Variants in XRN2 observed in about 807,000 individuals in gnomAD.
XRN2 encodes the protein DHM1-like protein.
Under a neutral mutation model 138.5 loss-of-function variants are expected in XRN2, and 44 were observed. That is an observed-to-expected ratio of 0.32 (90% CI 0.25 to 0.41). The LOEUF (loss-of-function observed/expected upper bound fraction) is 0.41. Among genes scored for constraint, XRN2 ranks in the 10% least tolerant of loss-of-function variants. The pLI is 1.00. For missense variants in XRN2, 937 were observed against 1,169.3 expected (o/e 0.80, Z 2.90); for synonymous variants, 354 against 369.4 (o/e 0.96, Z 0.48).
At chr20:21,348,108 G>C in intron 17 of XRN2, 38 bp from the exon 18 acceptor site, 1 of 1,557,184 alleles carries the variant, frequency 6.4e-7, no homozygotes. Flanking sequence ...CATTAACATA[G>C]GTTTTTGATT....
chr20:21,325,279 C>T (rs558305854), intron 1 of XRN2, among the ~76,000 whole-genome samples: 1 of 152,186 alleles, frequency 6.6e-6, no homozygotes, highest in Admixed American at 6.5e-5. Context: ...TAGTCTTAAT[C>T]TCTTGCTGAG....
At chr20:21,335,382 T>C (rs191744465) in intron 13 of XRN2, among the ~76,000 whole-genome samples, 28 of 152,386 alleles carry the variant, frequency 1.8e-4, no homozygotes, top group Middle Eastern at 3.4e-3. Context: ...ATATTACTGC[T>C]ACATTGCTTC....
At chr20:21,385,857 A>G (rs62219560) in intron 28 of XRN2, among the ~76,000 whole-genome samples, 5,740 of 152,300 alleles carry the variant, frequency 0.038, 128 homozygotes, top group Non-Finnish European at 0.052. Context: ...TCAGCACTTC[A>G]GTGAATTTAA....
chr20:21,308,923 A>G (rs769724018), intron 1 of XRN2, among the ~76,000 whole-genome samples: 14 of 152,136 alleles, frequency 9.2e-5, no homozygotes, highest in South Asian at 4.1e-4. Context: ...GAAGTTTTAT[A>G]GTTTTACTTC....
At chr20:21,309,947 AT>A (rs2037857084) in intron 1 of XRN2, among the ~76,000 whole-genome samples, 1 of 151,726 alleles carries the variant, frequency 6.6e-6, no homozygotes, top group African/African-American at 2.4e-5. Context: ...TCTGTTTTCT[AT>A]TTCTTTGATT....
At chr20:21,355,331 T>C (rs2038562916) in intron 21 of XRN2, among the ~76,000 whole-genome samples, 1 of 152,146 alleles carries the variant, frequency 6.6e-6, no homozygotes, top group East Asian at 1.9e-4. Flanking sequence ...AGGAGGCAAT[T>C]TGTAATCAAT....
At position 21,325,687 on chromosome 20, in the gene XRN2, G is replaced by A. The variant is rs867126138; in HGVS notation, c.76-592G>A. 2.0e-5 allele frequency among the ~76,000 whole-genome samples: 3 copies of A among 152,204 alleles called. No individual in the cohort carries two copies. In the East Asian group the frequency reaches 5.8e-4, roughly 29 times the overall value. ...CTTCAACAATAGTATGGCAGGATAG[G>A]AGACTAGGAAGGCTCCAGGCTCATT... On this transcript the variant is annotated intron_variant, in intron 1 of 29. Coordinates refer to ENST00000377191, the MANE Select transcript of XRN2 (RefSeq NM_012255.5).
At chr20:21,303,972 A>T in intron 1 of XRN2, 1 of 539,492 alleles carries the variant, frequency 1.9e-6, no homozygotes, top group Non-Finnish European at 2.4e-6. Context: ...GTTTTCTCCT[A>T]GTGTTCAGGA....
chr20:21,369,629 G>T (rs901132601), intron 27 of XRN2, among the ~76,000 whole-genome samples: 1 of 152,152 alleles, frequency 6.6e-6, no homozygotes, highest in African/African-American at 2.4e-5. Context: ...CAGTGATGTT[G>T]AGCAACTTTT....
chr20:21,331,923 T>C lies in XRN2; in HGVS notation c.700+105T>C, dbSNP rs550538026. 2.4e-6 allele frequency: 3 copies of C among 1,272,910 alleles called. No individual in the cohort carries two copies. In the East Asian group the frequency reaches 7.1e-5, roughly 30 times the overall value. The allele number at this position is 1,272,910 out of a possible 1,614,324, so 78.9% of individuals were successfully genotyped here. A position where few individuals can be genotyped will look rare whatever the true frequency, so the allele number is the denominator to read the frequency against. ...TCATGGTTACCTGGAAGTTCCAAAA[T>C]GCCTTGGTTATTTTATGTTCGACAG... is the stretch of plus-strand genomic sequence containing the variant. On this transcript the variant is annotated intron_variant, in intron 8 of 29. Transcript: ENST00000377191.
chr20:21,335,523 T>C (rs973362906), intron 13 of XRN2, among the ~76,000 whole-genome samples: 2 of 152,238 alleles, frequency 1.3e-5, no homozygotes, highest in African/African-American at 4.8e-5. Context: ...GTGGGTTGAC[T>C]GTAAGCATTC....
At position 21,365,333 on chromosome 20, in the gene XRN2, A is replaced by G; in HGVS notation, c.2256-88A>G. On this transcript the variant is annotated intron_variant, in intron 24 of 29. Transcript: ENST00000377191. ...TTATTAACTAAAATAATTTTTGGAG[A>G]GGACTTAAACATGAAAAATACCTCA... The G allele has an allele frequency of 4.0e-6, 5 of 1,265,288 alleles. No individual in the cohort carries two copies. The South Asian group carries it at 5.7e-5, about 14-fold the overall frequency. 78.4% of individuals were successfully genotyped at this position (1,265,288 alleles called of 1,614,324 possible).
At chr20:21,334,028 G>A (rs546160736) in intron 12 of XRN2, 34 bp downstream of exon 12, 3 of 1,613,926 alleles carry the variant, frequency 1.9e-6, no homozygotes, top group Admixed American at 3.3e-5. Flanking sequence ...CAAAACAGAA[G>A]TATTTGCTTT....
At chr20:21,331,196 T>G (rs2038202050) in intron 6 of XRN2, among the ~76,000 whole-genome samples, 1 of 152,190 alleles carries the variant, frequency 6.6e-6, no homozygotes, top group Admixed American at 6.5e-5. Context: ...GGGGCATATA[T>G]GGTTCAGCAC....
intron 28 of XRN2, among the ~76,000 whole-genome samples, chr20:21,386,514 A>G (rs1214458961): frequency 2.6e-5 from 4 of 152,226 alleles, no homozygotes; most frequent in East Asian, 3.8e-4. Context: ...TGTCTTGTAC[A>G]TGTTTACTCT....
chr20:21,309,164 G>A (rs961824851), intron 1 of XRN2, among the ~76,000 whole-genome samples: 2 of 152,200 alleles, frequency 1.3e-5, no homozygotes, highest in African/African-American at 2.4e-5. Context: ...TAGTTGAGAT[G>A]TCAGAATAAT....
chr20:21,345,216 T>C (rs1169496529), intron 16 of XRN2, among the ~76,000 whole-genome samples: 1 of 152,378 alleles, frequency 6.6e-6, no homozygotes, highest in East Asian at 1.9e-4. Flanking sequence ...AATACTAGTT[T>C]AATAGGTAAC....
Position 21,340,704 on chromosome 20 carries a change from C to A in XRN2, c.1279-17C>A. ...GTGATTTAATTTTAATTTCTACATT[C>A]ATTCCATTTATGTTAGAGAGATCAA... On this transcript the variant is annotated splice_polypyrimidine_tract_variant and intron_variant, in intron 14 of 29. Transcript: ENST00000377191. 6.2e-7 allele frequency: 1 copy of A among 1,607,082 alleles called. No individual in the cohort carries two copies. Among genetic ancestry groups the A allele is most frequent in the Non-Finnish European group, 8.5e-7 (1 of 1,176,274 alleles).
chr20:21,351,385 AT>A (rs1442794488), intron 20 of XRN2, among the ~76,000 whole-genome samples: 1 of 152,166 alleles, frequency 6.6e-6, no homozygotes, highest in Non-Finnish European at 1.5e-5. Context: ...CTTTTTGGCC[AT>A]TTCTAAATCT....
Sources: allele counts gnomAD v4.1 joint callset (sites outside exome capture counted in the v4.1 genomes callset), GRCh38; gene constraint gnomAD v4.1.1; transcripts MANE v1.5; gene names NCBI Gene and HGNC (gene_info 2026-07-23, HGNC 2026-07-21).